LIPC: variants seen among roughly 807,000 people sequenced by gnomAD.
LIPC encodes hepatic triacylglycerol lipase.
In LIPC, 44 loss-of-function variants were observed where a neutral mutation model predicts 50.7. The observed-to-expected ratio is 0.87, with a 90% CI of 0.68 to 1.11. LIPC has a LOEUF of 1.11. Among genes scored for constraint, LIPC ranks in the 50% most tolerant of loss-of-function variants. The probability of loss-of-function intolerance (pLI) is 0.00; values close to 1 mark genes in which losing one functional copy is unlikely to be tolerated. For missense variants in LIPC, 697 were observed against 648.2 expected (o/e 1.08, Z -0.82); for synonymous variants, 271 against 256.4 (o/e 1.06, Z -0.54).
rs576799371 is a variant in LIPC, at chr15:58,526,243, G to A, written c.89-12090G>A. ...CACTGCTCACAAATGTAAAAAGTTAGGTAATATATCAGGGAGGCTGTGAGG... is the reference window on the plus strand; with the variant it reads ...CACTGCTCACAAATGTAAAAAGTTAAGTAATATATCAGGGAGGCTGTGAGG... On this transcript the variant is annotated intron_variant, in intron 1 of 8. Transcript: ENST00000299022. 1.1e-4 allele frequency among the ~76,000 whole-genome samples: 16 copies of A among 152,354 alleles called. No individual in the cohort carries two copies. In the East Asian group the frequency reaches 2.9e-3, roughly 28 times the overall value.
chr15:58,534,122 G>A (rs946530848), intron 1 of LIPC, among the ~76,000 whole-genome samples: 6 of 152,154 alleles, frequency 3.9e-5, no homozygotes, highest in South Asian at 2.1e-4. Context: ...AATAGGAAAC[G>A]TAGGAAGAAA....
chr15:58,475,374 C>CA (rs2140755933), intron 1 of LIPC, among the ~76,000 whole-genome samples: 1 of 152,374 alleles, frequency 6.6e-6, no homozygotes, highest in East Asian at 1.9e-4. Context: ...AAAAGGCAGA[C>CA]AGCCCGGCCA....
chr15:58,557,402 T>TTTTTTTG (rs796425195), intron 6 of LIPC, among the ~76,000 whole-genome samples: 3 of 142,304 alleles, frequency 2.1e-5, no homozygotes, highest in African/African-American at 8.1e-5. Context: ...TTTTTTTTTT[T>TTTTTTTG]GAGATGTAGT....
At chr15:58,458,527 G>T (rs960437003) in intron 1 of LIPC, among the ~76,000 whole-genome samples, 1 of 152,188 alleles carries the variant, frequency 6.6e-6, no homozygotes, top group East Asian at 1.9e-4. Flanking sequence ...ACCACCCAAA[G>T]AATAAGTCTT....
chr15:58,462,923 A>C (rs1002739834), intron 1 of LIPC, among the ~76,000 whole-genome samples: 6 of 152,222 alleles, frequency 3.9e-5, no homozygotes, highest in Admixed American at 3.3e-4. Context: ...GGTGCTCATT[A>C]GCACTGCACA....
chr15:58,559,733 C>T (rs910473388), intron 6 of LIPC, among the ~76,000 whole-genome samples: 1 of 146,936 alleles, frequency 6.8e-6, no homozygotes, highest in African/African-American at 2.5e-5. Flanking sequence ...AAACCCAAAA[C>T]AAAAACAAAA....
chr15:58,538,211 G>A, intron 1 of LIPC, 122 bp from the exon 2 acceptor site: 1 of 959,892 alleles, frequency 1.0e-6, no homozygotes. Context: ...GGCTCATTCT[G>A]ATCTCCAGCA....
intron 1 of LIPC, among the ~76,000 whole-genome samples, chr15:58,531,877 T>C (rs192699261): frequency 6.6e-6 from 1 of 152,272 alleles, no homozygotes; most frequent in South Asian, 2.1e-4. Flanking sequence ...CAAGACAAAC[T>C]TAGGAATTTC....
At chr15:58,472,270 C>CAAAAAA (rs35901617) in intron 1 of LIPC, among the ~76,000 whole-genome samples, 6 of 87,642 alleles carry the variant, frequency 6.8e-5, no homozygotes, top group Non-Finnish European at 1.1e-4. Flanking sequence ...CATTTGGTCT[C>CAAAAAA]AAAAAAAAAA....
chr15:58,557,402 T>TTTTTTTTTTG (rs796425195), intron 6 of LIPC, among the ~76,000 whole-genome samples: 1 of 142,304 alleles, frequency 7.0e-6, no homozygotes, highest in African/African-American at 2.7e-5. Context: ...TTTTTTTTTT[T>TTTTTTTTTTG]GAGATGTAGT....
intron 1 of LIPC, among the ~76,000 whole-genome samples, chr15:58,526,653 T>C (rs1331255062): frequency 1.3e-5 from 2 of 152,154 alleles, no homozygotes; most frequent in African/African-American, 4.8e-5. Context: ...AGGTACCAAA[T>C]AGGCTGGCAA....
At chr15:58,493,080 A>G (rs1891638314) in intron 1 of LIPC, among the ~76,000 whole-genome samples, 2 of 152,038 alleles carry the variant, frequency 1.3e-5, no homozygotes, top group African/African-American at 4.8e-5. Flanking sequence ...TAATAAGTAA[A>G]CTCATACTTA....
intron 1 of LIPC, among the ~76,000 whole-genome samples, chr15:58,515,397 A>G (rs1892453753): frequency 6.6e-6 from 1 of 152,144 alleles, no homozygotes; most frequent in Non-Finnish European, 1.5e-5. Context: ...TCATTTCTTT[A>G]CTCAGCAAAT....
At chr15:58,541,562 T>C (rs978651171) in intron 2 of LIPC, among the ~76,000 whole-genome samples, 1 of 152,066 alleles carries the variant, frequency 6.6e-6, no homozygotes, top group Non-Finnish European at 1.5e-5. Flanking sequence ...GGGTGGGTGT[T>C]GCTGGCATCT....
intron 1 of LIPC, among the ~76,000 whole-genome samples, chr15:58,471,134 C>CTTT (rs34225435): frequency 3.6e-4 from 41 of 114,634 alleles, no homozygotes; most frequent in African/African-American, 6.4e-4. Flanking sequence ...TTTCTTTTCT[C>CTTT]TTTTTTTTTT....
At chr15:58,480,566 G>C (rs531101870) in intron 1 of LIPC, among the ~76,000 whole-genome samples, 1 of 152,240 alleles carries the variant, frequency 6.6e-6, no homozygotes, top group East Asian at 1.9e-4. Flanking sequence ...CAAAGTGCTG[G>C]GATTACAGGT....
At chr15:58,449,472 T>G (rs369042086) in intron 1 of LIPC, among the ~76,000 whole-genome samples, 1 of 152,336 alleles carries the variant, frequency 6.6e-6, no homozygotes, top group East Asian at 1.9e-4. Flanking sequence ...TGCTTGGGAC[T>G]GATTGCTATT....
At chr15:58,544,420 G>T (rs1387046628) in intron 4 of LIPC, among the ~76,000 whole-genome samples, 1 of 104,762 alleles carries the variant, frequency 9.5e-6, no homozygotes, top group South Asian at 3.1e-4. Context: ...TTTTGAGACA[G>T]AGTCTCATTC....
chr15:58,518,948 AAAAG>A (rs1176559183), intron 1 of LIPC, among the ~76,000 whole-genome samples: 1 of 152,124 alleles, frequency 6.6e-6, no homozygotes, highest in Non-Finnish European at 1.5e-5. Flanking sequence ...CCTAAAAAAA[AAAAG>A]AAAGAAAAAG....
Sources: gnomAD v4.1 joint callset for allele counts (sites outside exome capture counted in the v4.1 genomes callset) on GRCh38, gnomAD v4.1.1 for gene constraint, MANE v1.5 for transcripts, NCBI Gene and HGNC (gene_info 2026-07-23, HGNC 2026-07-21) for gene names.